Variants in EIF4EBP2 observed in about 807,000 individuals in gnomAD.
EIF4EBP2 encodes the protein eukaryotic translation initiation factor 4E-binding protein 2.
In EIF4EBP2, 5 loss-of-function variants were observed where a neutral mutation model predicts 10.3. That is an observed-to-expected ratio of 0.48 (90% CI 0.25 to 1.02). The LOEUF is 1.02. Ranked by LOEUF, EIF4EBP2 falls within the 50% of genes least tolerant of loss-of-function variation. The pLI, the probability that EIF4EBP2 is intolerant of heterozygous loss-of-function variation, is 0.15. For synonymous variants in EIF4EBP2, 67 were observed against 61.1 expected, an observed-to-expected ratio of 1.10 and a Z score of -0.45; for missense variants, 188 against 162.2, an observed-to-expected ratio of 1.16 and a Z score of -0.86.
chr10:70,413,762 C>T (rs11594504), intron 1 of EIF4EBP2, among the ~76,000 whole-genome samples: 11,265 of 151,788 alleles, frequency 0.074, 582 homozygotes, highest in South Asian at 0.2. Context: ...TCATAACTTT[C>T]CAATATAAGA....
intron 1 of EIF4EBP2, among the ~76,000 whole-genome samples, chr10:70,411,362 A>G (rs907162827): frequency 1.3e-5 from 2 of 151,828 alleles, no homozygotes; most frequent in Non-Finnish European, 2.9e-5. Context: ...ATCAGTGTTC[A>G]TGCTTTTTTT....
In EIF4EBP2 at chr10:70,421,803, T is replaced by A; in HGVS notation, c.*56T>A. 1 of 1,567,704 alleles carries A rather than the reference T, an allele frequency of 6.4e-7. No homozygotes were observed. Among genetic ancestry groups the A allele is most frequent in the Admixed American group, 1.7e-5 (1 of 59,750 alleles). ...AACACTGATACTTGTGTGCACCTGA[T>A]TTGGCCAATAGGATCAACAGTGAAA... On this transcript the variant is annotated 3_prime_UTR_variant, in exon 3 of 3. Transcript: ENST00000373218.
intron 1 of EIF4EBP2, among the ~76,000 whole-genome samples, chr10:70,414,794 G>T (rs948476148): frequency 4.6e-5 from 7 of 152,146 alleles, no homozygotes; most frequent in Admixed American, 3.3e-4. Context: ...CTTGAACCCA[G>T]AGGGTGGAGG....
chr10:70,418,815 T>C (rs1236374031), intron 1 of EIF4EBP2, among the ~76,000 whole-genome samples: 1 of 152,142 alleles, frequency 6.6e-6, no homozygotes. Flanking sequence ...GTCCTAAAAT[T>C]ATATTTGATT....
chr10:70,421,791 G>C lies in EIF4EBP2; in HGVS notation c.*44G>C. 6.3e-7 allele frequency: 1 copy of C among 1,599,108 alleles called. No individual in the cohort carries two copies. Among genetic ancestry groups the C allele is most frequent in the Non-Finnish European group, 8.6e-7 (1 of 1,168,510 alleles). ...AAGAAAAGCAGCAACACTGATACTT[G>C]TGTGCACCTGATTTGGCCAATAGGA... On this transcript the variant is annotated 3_prime_UTR_variant, in exon 3 of 3. Transcript: ENST00000373218.
At chr10:70,410,286 T>C (rs1845031155) in intron 1 of EIF4EBP2, among the ~76,000 whole-genome samples, 1 of 152,192 alleles carries the variant, frequency 6.6e-6, no homozygotes, top group African/African-American at 2.4e-5. Flanking sequence ...GCCAGGCTGG[T>C]CTCGAACTCC....
intron 1 of EIF4EBP2, among the ~76,000 whole-genome samples, chr10:70,416,276 C>T (rs1845093086): frequency 6.6e-6 from 1 of 152,110 alleles, no homozygotes; most frequent in Non-Finnish European, 1.5e-5. Flanking sequence ...ATAGTACAAC[C>T]ACTTTGAAAA....
In EIF4EBP2 at chr10:70,420,118, T is replaced by A; in HGVS notation, c.331+19T>A. 1 of 1,588,236 alleles carries A rather than the reference T, an allele frequency of 6.3e-7. No individual in the cohort carries two copies. Among genetic ancestry groups the A allele is most frequent in the Non-Finnish European group, 8.6e-7 (1 of 1,167,410 alleles). ...GCAGTTGGTAAGAGAATGGCGATGT[T>A]GGAGACCTAGAGCGTGGCTCTTGGA... On this transcript the variant is annotated intron_variant, in intron 2 of 2. Coordinates refer to ENST00000373218, the MANE Select transcript of EIF4EBP2 (RefSeq NM_004096.5).
Position 70,421,732 on chromosome 10 carries a change from C to T in EIF4EBP2, c.348C>T (p.Phe116=), listed in dbSNP as rs774456828. 176 of 1,613,202 alleles carry T rather than the reference C, an allele frequency of 1.1e-4. No homozygotes were observed. The highest frequency in any genetic ancestry group is 2.1e-4 in the South Asian group (19 of 91,032). The change falls in exon 3 of 3, where the codon TTC becomes TTT. Residue 116 remains phenylalanine, a synonymous_variant. Coordinates refer to ENST00000373218, the MANE Select transcript of EIF4EBP2 (RefSeq NM_004096.5). ...CCTAACTAGGGGATGATGCTCAGTT[C>T]GAGATGGACATCTGACTCTCCTGCA... ...RKHAVGDDAQ[F]EMDI
In EIF4EBP2 at chr10:70,412,675, C is replaced by G. The variant is rs559977717; in HGVS notation, c.146-7239C>G. ...GTTGTTTTCTGCAGTTTGAGAATCACTGGTTTTTAGATTCAAAGGTAGATA... is the reference window on the plus strand; with the variant it reads ...GTTGTTTTCTGCAGTTTGAGAATCAGTGGTTTTTAGATTCAAAGGTAGATA... On this transcript the variant is annotated intron_variant, in intron 1 of 2. Coordinates refer to ENST00000373218, the MANE Select transcript of EIF4EBP2 (RefSeq NM_004096.5). 2.3e-3 allele frequency among the ~76,000 whole-genome samples: 349 copies of G among 152,286 alleles called. 14 individuals carry two copies. The highest frequency in any genetic ancestry group is 5.9e-4 in the Non-Finnish European group (40 of 68,018).
At chr10:70,414,365 T>C (rs1042512180) in intron 1 of EIF4EBP2, among the ~76,000 whole-genome samples, 1 of 91,074 alleles carries the variant, frequency 1.1e-5, no homozygotes, top group Non-Finnish European at 2.7e-5. Context: ...CAAAAACTTA[T>C]AAATACTATA....
chr10:70,407,693 G>A (rs1416687925), intron 1 of EIF4EBP2, among the ~76,000 whole-genome samples: 3 of 149,826 alleles, frequency 2.0e-5, no homozygotes, highest in Non-Finnish European at 3.0e-5. Flanking sequence ...AGGAGCGGCC[G>A]GGCAGAGGCG....
rs1194644573 is a variant in EIF4EBP2, at chr10:70,424,447, A to C, written c.*2700A>C. 6.6e-6 allele frequency: 1 copy of C among 152,232 alleles called. No individual in the cohort carries two copies. The highest frequency in any genetic ancestry group is 2.4e-5 in the African/African-American group (1 of 41,454). The allele number at this position is 152,232 out of a possible 1,614,324, so 9.4% of individuals were successfully genotyped here. ...AAAAAATAATTTCACAAGGCATGAG[A>C]TAAACTTTCAATAGATGATACCTTT... On this transcript the variant is annotated 3_prime_UTR_variant, in exon 3 of 3. Coordinates refer to ENST00000373218, the MANE Select transcript of EIF4EBP2 (RefSeq NM_004096.5).
intron 1 of EIF4EBP2, among the ~76,000 whole-genome samples, chr10:70,414,636 G>A (rs954192594): frequency 6.6e-6 from 1 of 152,216 alleles, no homozygotes; most frequent in African/African-American, 2.4e-5. Flanking sequence ...GGGAGGCCAA[G>A]GCTTGCAGAT....
intron 1 of EIF4EBP2, 69 bp downstream of exon 1, chr10:70,404,615 G>C: frequency 7.0e-7 from 1 of 1,421,228 alleles, no homozygotes; most frequent in Non-Finnish European, 9.2e-7. Flanking sequence ...CGGCGCCTCG[G>C]TGCCCGGCCG....
chr10:70,409,625 T>G (rs1274781119), intron 1 of EIF4EBP2, among the ~76,000 whole-genome samples: 1 of 152,224 alleles, frequency 6.6e-6, no homozygotes, highest in Admixed American at 6.5e-5. Context: ...TTTGCAAACA[T>G]TTAAAGAGAC....
In EIF4EBP2 at chr10:70,418,743, A is replaced by G. The variant is rs1240698591; in HGVS notation, c.146-1171A>G. ...CTCATAATTTCTAGATGCCTTTTTG[A>G]GTGCTACTCTAGTTTTTGTTTTTCA... On this transcript the variant is annotated intron_variant, in intron 1 of 2. Transcript: ENST00000373218. Among the ~76,000 whole-genome samples, 6 of 152,202 alleles carry G rather than the reference A, an allele frequency of 3.9e-5. No homozygotes were observed. The East Asian group carries it at 1.2e-3, about 29-fold the overall frequency.
At chr10:70,407,273 G>A (rs1844976812) in intron 1 of EIF4EBP2, among the ~76,000 whole-genome samples, 1 of 152,132 alleles carries the variant, frequency 6.6e-6, no homozygotes. Context: ...CTTCCGCAGT[G>A]TTTGTGTCCA....
At chr10:70,420,126 T>TA (rs779951631) in intron 2 of EIF4EBP2, 27 bp downstream of exon 2, 1 of 1,559,220 alleles carries the variant, frequency 6.4e-7, no homozygotes, top group South Asian at 1.2e-5. Context: ...GTTGGAGACC[T>TA]AGAGCGTGGC....
Sources: allele counts gnomAD v4.1 joint callset (sites outside exome capture counted in the v4.1 genomes callset), GRCh38; gene constraint gnomAD v4.1.1; transcripts MANE v1.5; gene names NCBI Gene and HGNC (gene_info 2026-07-23, HGNC 2026-07-21).